Variants in AKAIN1 observed in about 807,000 individuals in gnomAD.
AKAIN1 encodes A-kinase anchor protein inhibitor 1.
AKAIN1 carries 3 observed loss-of-function variants against 3.7 expected under a neutral mutation model. The observed-to-expected ratio is 0.82, with a 90% CI of 0.37 to 2.12. AKAIN1 has a LOEUF of 2.12. Among genes scored for constraint, AKAIN1 ranks in the 30% most tolerant of loss-of-function variants. The pLI, the probability that AKAIN1 is intolerant of heterozygous loss-of-function variation, is 0.06. For synonymous variants in AKAIN1, 31 were observed against 30.8 expected, an observed-to-expected ratio of 1.01 and a Z score of -0.02; for missense variants, 82 against 82.7, an observed-to-expected ratio of 0.99 and a Z score of 0.03.
At chr18:5,188,357 C>T (rs2071299338) in intron 1 of AKAIN1, among the ~76,000 whole-genome samples, 1 of 152,006 alleles carries the variant, frequency 6.6e-6, no homozygotes, top group South Asian at 2.1e-4. Context: ...GCAGCTCCAC[C>T]CATGGGCAAG....
chr18:5,149,215 C>T lies in AKAIN1; in HGVS notation c.17-3460G>A, dbSNP rs552136397. ...GGAGGTTGTGGGACAAAGAGAGCAGCGAAGCCTGGAGCAGAGAAAGAGAGG... is the reference window on the plus strand; with the variant it reads ...GGAGGTTGTGGGACAAAGAGAGCAGTGAAGCCTGGAGCAGAGAAAGAGAGG... On this transcript the variant is annotated intron_variant, in intron 1 of 1. Transcript: ENST00000434239. Among the ~76,000 whole-genome samples, 9 of 152,152 alleles carry T rather than the reference C, an allele frequency of 5.9e-5. No homozygotes were observed. In the East Asian group the frequency reaches 9.7e-4, roughly 16 times the overall value.
chr18:5,196,973 C>A (rs376158589), intron 1 of AKAIN1, 65 bp downstream of exon 1: 112 of 1,406,194 alleles, frequency 8.0e-5, no homozygotes, highest in Non-Finnish European at 1.1e-4. Flanking sequence ...TTTTTTCCCT[C>A]TCCTCTCCGT....
At chr18:5,169,701 TG>T (rs2071186936) in intron 1 of AKAIN1, among the ~76,000 whole-genome samples, 1 of 152,170 alleles carries the variant, frequency 6.6e-6, no homozygotes, top group Non-Finnish European at 1.5e-5. Flanking sequence ...AAAATACTAC[TG>T]TTTTCCAGTT....
At chr18:5,192,652 G>A (rs540942661) in intron 1 of AKAIN1, among the ~76,000 whole-genome samples, 20 of 152,062 alleles carry the variant, frequency 1.3e-4, no homozygotes, top group Non-Finnish European at 2.6e-4. Context: ...TCTATGATTT[G>A]TAAGCCATTC....
At chr18:5,187,012 TCAAAATTTTTAGAATACTCTAAAG>T (rs1156748526) in intron 1 of AKAIN1, among the ~76,000 whole-genome samples, 1 of 152,074 alleles carries the variant, frequency 6.6e-6, no homozygotes, top group African/African-American at 2.4e-5. Context: ...AAATACAACA[TCAAAATTTTTAGAATACTCTAAAG>T]CAATGCTTAG....
chr18:5,182,174 T>C (rs1285610956), intron 1 of AKAIN1, among the ~76,000 whole-genome samples: 1 of 152,164 alleles, frequency 6.6e-6, no homozygotes, highest in African/African-American at 2.4e-5. Context: ...TAGCTTATTG[T>C]AGCATTTTGC....
At chr18:5,177,277 G>T (rs957960253) in intron 1 of AKAIN1, among the ~76,000 whole-genome samples, 2 of 152,026 alleles carry the variant, frequency 1.3e-5, no homozygotes, top group African/African-American at 2.4e-5. Context: ...TGATAAGAAA[G>T]AAATTATTAT....
rs146511046 is a variant in AKAIN1, at chr18:5,179,876, G to A, written c.16+17162C>T. ...CCATTTCTTTATAAGGTATATTTAC[G>A]TACCTAAAAGGACATGACAAAAGGA... On this transcript the variant is annotated intron_variant, in intron 1 of 1. Transcript: ENST00000434239. 2.5e-4 allele frequency among the ~76,000 whole-genome samples: 38 copies of A among 152,148 alleles called. No homozygotes were observed. In the East Asian group the frequency reaches 4.4e-3, roughly 18 times the overall value.
intron 1 of AKAIN1, among the ~76,000 whole-genome samples, chr18:5,158,252 T>C (rs948961256): frequency 2.0e-5 from 3 of 152,156 alleles, no homozygotes; most frequent in African/African-American, 7.2e-5. Flanking sequence ...CTGCTCCCAT[T>C]AATTTTCTGC....
At position 5,197,091 on chromosome 18, in the gene AKAIN1, A is replaced by G; in HGVS notation, c.-38T>C. 6.4e-7 allele frequency: 1 copy of G among 1,551,218 alleles called. No homozygotes were observed. On this transcript the variant is annotated 5_prime_UTR_variant, in exon 1 of 2. Coordinates refer to ENST00000434239, the MANE Select transcript of AKAIN1 (RefSeq NM_001145194.2). This position sits in a 1 kb window ranked among gnomAD's most constrained non-coding sequence, Gnocchi z 6.9. Reference sequence around the variant, plus strand: ...CCGCTACGCCCCCAGATTAAGAGAGAAAGACAGGCAGACGGAGGATGGGAA... The same window carrying G: ...CCGCTACGCCCCCAGATTAAGAGAGGAAGACAGGCAGACGGAGGATGGGAA...
chr18:5,164,702 T>A (rs970322047), intron 1 of AKAIN1, among the ~76,000 whole-genome samples: 1 of 152,018 alleles, frequency 6.6e-6, no homozygotes, highest in African/African-American at 2.4e-5. Flanking sequence ...TAACAAAATT[T>A]TATCGTGACA....
rs186398834 is a variant in AKAIN1 at position 5,187,457 on chromosome 18, T to C, written c.16+9581A>G. Among the ~76,000 whole-genome samples, 596 of 152,272 alleles carry C rather than the reference T, an allele frequency of 3.9e-3. 4 individuals carry two copies. The highest frequency in any genetic ancestry group is 0.014 in the African/African-American group (568 of 41,568). On this transcript the variant is annotated intron_variant, in intron 1 of 1. Transcript: ENST00000434239. ...CTGGATGCTGGGAAGTCCAAAATCA[T>C]GGCACTGGCATCTGGTGAGGATCAT...
intron 1 of AKAIN1, among the ~76,000 whole-genome samples, chr18:5,189,367 T>A (rs144654470): frequency 1.0e-3 from 157 of 152,312 alleles, no homozygotes; most frequent in Middle Eastern, 0.01. Context: ...GCCCTCTGCA[T>A]TCTCTAACAA....
chr18:5,180,460 C>A (rs967262494), intron 1 of AKAIN1, among the ~76,000 whole-genome samples: 1 of 152,158 alleles, frequency 6.6e-6, no homozygotes, highest in Middle Eastern at 3.4e-3. Flanking sequence ...GTTCTTTCTA[C>A]TGATGGCCAA....
intron 1 of AKAIN1, among the ~76,000 whole-genome samples, chr18:5,156,595 AT>A (rs2071109862): frequency 6.6e-6 from 1 of 152,202 alleles, no homozygotes; most frequent in Non-Finnish European, 1.5e-5. Context: ...TCATGACACA[AT>A]GACAAGAAGA....
At chr18:5,167,490 T>A (rs2071173767) in intron 1 of AKAIN1, among the ~76,000 whole-genome samples, 1 of 152,070 alleles carries the variant, frequency 6.6e-6, no homozygotes. Flanking sequence ...GTTACTGTTG[T>A]TTAAGCAAGC....
chr18:5,174,228 G>C (rs577212329), intron 1 of AKAIN1, among the ~76,000 whole-genome samples: 1 of 152,248 alleles, frequency 6.6e-6, no homozygotes, highest in Admixed American at 6.5e-5. Flanking sequence ...CTTGAGGGCT[G>C]CCTCTCCCTA....
At chr18:5,176,393 T>C (rs1403098315) in intron 1 of AKAIN1, among the ~76,000 whole-genome samples, 1 of 151,938 alleles carries the variant, frequency 6.6e-6, no homozygotes, top group Non-Finnish European at 1.5e-5. Flanking sequence ...TAAGCCGAGA[T>C]CGTGCCACTG....
chr18:5,150,163 G>A (rs977026526), intron 1 of AKAIN1, among the ~76,000 whole-genome samples: 5 of 152,166 alleles, frequency 3.3e-5, no homozygotes, highest in Non-Finnish European at 5.9e-5. Context: ...GTCTCTGTGC[G>A]GCATCACACT....
Sources: gnomAD v4.1 joint callset for allele counts (sites outside exome capture counted in the v4.1 genomes callset) on GRCh38, gnomAD v4.1.1 for gene constraint, Gnocchi (gnomAD v3.1) non-coding constraint, MANE v1.5 for transcripts, NCBI Gene and HGNC (gene_info 2026-07-23, HGNC 2026-07-21) for gene names.